GMEB1: variants seen among roughly 807,000 people sequenced by gnomAD.
GMEB1 encodes glucocorticoid modulatory element-binding protein 1.
Under a neutral mutation model 52.4 loss-of-function variants are expected in GMEB1, and 6 were observed. That is an observed-to-expected ratio of 0.11 (90% CI 0.06 to 0.23). The LOEUF (loss-of-function observed/expected upper bound fraction) is 0.23. Among genes scored for constraint, GMEB1 ranks in the 10% least tolerant of loss-of-function variants. The pLI is 1.00. For synonymous variants in GMEB1, 255 were observed against 244.9 expected (o/e 1.04, Z -0.38); for missense variants, 486 against 685.6 (o/e 0.71, Z 3.25).
At chr1:28,682,537 G>A (rs1022998303) in intron 1 of GMEB1, among the ~76,000 whole-genome samples, 1 of 150,518 alleles carries the variant, frequency 6.6e-6, no homozygotes, top group East Asian at 2.0e-4. Context: ...CAGGAGAATC[G>A]CTTGAGCTTG....
intron 5 of GMEB1, 37 bp from the exon 6 acceptor site, chr1:28,696,890 T>C (rs1248828134): frequency 1.9e-6 from 3 of 1,539,556 alleles, no homozygotes; most frequent in South Asian, 1.2e-5. Context: ...AGATGAAGTA[T>C]AGGCTGAACT....
intron 1 of GMEB1, among the ~76,000 whole-genome samples, chr1:28,672,047 AG>A (rs1668907866): frequency 6.7e-6 from 1 of 149,336 alleles, no homozygotes; most frequent in South Asian, 2.1e-4. Context: ...GGGAGGCGGA[AG>A]TTGCAGTGAG....
At chr1:28,689,311 C>A (rs1210171000) in intron 2 of GMEB1, among the ~76,000 whole-genome samples, 1 of 152,028 alleles carries the variant, frequency 6.6e-6, no homozygotes, top group Non-Finnish European at 1.5e-5. Context: ...CAGGTGTGAG[C>A]CACCATGCCC....
chr1:28,677,899 A>C (rs1669227086), intron 1 of GMEB1, among the ~76,000 whole-genome samples: 1 of 151,986 alleles, frequency 6.6e-6, no homozygotes, highest in African/African-American at 2.4e-5. Context: ...AGAAGGGAGA[A>C]GAGGCCGGGC....
At position 28,683,662 on chromosome 1, in the gene GMEB1, C is replaced by A. The variant is rs1241812937; in HGVS notation, c.50C>A (p.Pro17His). The A allele has an allele frequency of 6.2e-7, 1 of 1,611,188 alleles. No homozygotes were observed. The highest frequency in any genetic ancestry group is 8.5e-7 in the Non-Finnish European group (1 of 1,178,780). The change falls in exon 2 of 10, where the codon CCT becomes CAT. Residue 17 changes from proline (P) to histidine (H), a missense_variant. This residue lies in a region of GMEB1 where 88 missense variants were observed against 96.5 expected (regional missense o/e 0.91). Transcript: ENST00000373816. ...SVPVGDVVVV[P>H]TEGNEGENPE... ...CCAGTGGGGGATGTGGTTGTGGTAC[C>A]TACTGAAGGAAATGAAGGGGAGAAT...
At chr1:28,704,636 C>T (rs1209017609) in intron 8 of GMEB1, among the ~76,000 whole-genome samples, 3 of 151,018 alleles carry the variant, frequency 2.0e-5, no homozygotes, top group East Asian at 1.9e-4. Context: ...GACGGAGTCT[C>T]GCTCTATCGC....
intron 7 of GMEB1, among the ~76,000 whole-genome samples, chr1:28,702,905 A>G (rs1209126226): frequency 6.6e-6 from 1 of 152,034 alleles, no homozygotes; most frequent in Non-Finnish European, 1.5e-5. Context: ...CAAAAAAAAA[A>G]TTAGCCGGGC....
chr1:28,698,057 G>A (rs904630592), intron 6 of GMEB1, among the ~76,000 whole-genome samples: 2 of 151,372 alleles, frequency 1.3e-5, no homozygotes, highest in Non-Finnish European at 2.9e-5. Flanking sequence ...GGAGAATGGC[G>A]TGAACTCGGG....
At chr1:28,713,540 AC>A (rs1671157315) in intron 9 of GMEB1, among the ~76,000 whole-genome samples, 1 of 151,994 alleles carries the variant, frequency 6.6e-6, no homozygotes, top group East Asian at 1.9e-4. Context: ...AGCTCTTAAG[AC>A]CTCTTTTAGT....
chr1:28,686,151 G>A (rs903202843), intron 2 of GMEB1, among the ~76,000 whole-genome samples: 18 of 151,084 alleles, frequency 1.2e-4, no homozygotes, highest in Non-Finnish European at 2.5e-4. Flanking sequence ...AACCAGCCAG[G>A]GCAACATGGC....
At chr1:28,701,419 G>T (rs547437579) in intron 6 of GMEB1, among the ~76,000 whole-genome samples, 68 of 151,314 alleles carry the variant, frequency 4.5e-4, no homozygotes, top group Non-Finnish European at 8.4e-4. Flanking sequence ...ACAGGCACCC[G>T]CCAGCACACC....
intron 1 of GMEB1, among the ~76,000 whole-genome samples, chr1:28,674,496 G>T (rs564826210): frequency 6.2e-4 from 94 of 152,026 alleles, no homozygotes; most frequent in Admixed American, 5.3e-3. Context: ...CTGGGCTCAA[G>T]TGATTCTCCT....
Position 28,714,635 on chromosome 1 carries a change from G to A in GMEB1, c.1554G>A (p.Pro518=), listed in dbSNP as rs773306298. The change falls in exon 10 of 10, where the codon CCG becomes CCA. Residue 518 remains proline (P), a synonymous_variant. Transcript: ENST00000373816. ...GQTIIEIDPA[P]DPEAEDTEGK... ...CCATCATTGAGATTGATCCAGCCCCGGACCCAGAAGCTGAAGATACTGAGG... is the reference window on the plus strand; with the variant it reads ...CCATCATTGAGATTGATCCAGCCCCAGACCCAGAAGCTGAAGATACTGAGG... 30 of 1,613,958 alleles carry A rather than the reference G, an allele frequency of 1.9e-5. No homozygotes were observed. The highest frequency in any genetic ancestry group is 1.6e-4 in the Middle Eastern group (1 of 6,082).
At chr1:28,681,353 G>A (rs1156619314) in intron 1 of GMEB1, among the ~76,000 whole-genome samples, 1 of 152,192 alleles carries the variant, frequency 6.6e-6, no homozygotes, top group African/African-American at 2.4e-5. Flanking sequence ...GGGCAACGGA[G>A]CGAGACCGCG....
In GMEB1 at chr1:28,714,778, G is replaced by A. The variant is rs1312662404; in HGVS notation, c.*5G>A. On this transcript the variant is annotated 3_prime_UTR_variant, in exon 10 of 10. Coordinates refer to ENST00000373816, the MANE Select transcript of GMEB1 (RefSeq NM_001319674.2). ...ATTGTGGTCTTAGAGGATTAACTGG[G>A]GATCTCAGGGCCAGGAGTTATGTTT... The A allele has an allele frequency of 1.3e-6, 2 of 1,563,346 alleles. No homozygotes were observed. Among genetic ancestry groups the A allele is most frequent in the Non-Finnish European group, 1.8e-6 (2 of 1,135,944 alleles).
intron 8 of GMEB1, among the ~76,000 whole-genome samples, chr1:28,705,419 C>T (rs922547806): frequency 6.6e-6 from 1 of 150,380 alleles, no homozygotes; most frequent in Non-Finnish European, 1.5e-5. Context: ...CAGAAAGCAT[C>T]CTCTCTCGCG....
chr1:28,680,174 A>G (rs1038097143), intron 1 of GMEB1, among the ~76,000 whole-genome samples: 2 of 152,030 alleles, frequency 1.3e-5, no homozygotes, highest in Non-Finnish European at 2.9e-5. Context: ...TGAAGCCAGG[A>G]GTTCAAGACC....
rs1219421763 is a variant in GMEB1 at position 28,719,314 on chromosome 1, G to A, written c.*4541G>A. The A allele has an allele frequency of 6.6e-6, 1 of 152,144 alleles. No homozygotes were observed. The highest frequency in any genetic ancestry group is 1.5e-5 in the Non-Finnish European group (1 of 68,024). The allele number at this position is 152,144 out of a possible 1,614,324, so 9.4% of individuals were successfully genotyped here. A position where few individuals can be genotyped will look rare whatever the true frequency, so the allele number is the denominator to read the frequency against. On this transcript the variant is annotated 3_prime_UTR_variant, in exon 10 of 10. Transcript: ENST00000373816. The stretch of plus-strand genomic sequence containing the variant: ...TCCTAAAAACACCAGTCATTCTGAA[G>A]TAAAAAATGGACAATAAACATGAAT...
chr1:28,669,842 T>TG (rs1294411375), intron 1 of GMEB1, among the ~76,000 whole-genome samples: 1 of 152,082 alleles, frequency 6.6e-6, no homozygotes, highest in Non-Finnish European at 1.5e-5. Context: ...GGCCAGGTGT[T>TG]ATCTAATTGA....
Sources: gnomAD v4.1 joint callset for allele counts (sites outside exome capture counted in the v4.1 genomes callset) on GRCh38, gnomAD v4.1.1 for gene constraint, gnomAD v4.1.1 regional missense constraint, MANE v1.5 for transcripts, NCBI Gene and HGNC (gene_info 2026-07-23, HGNC 2026-07-21) for gene names.